Variants in TMEM132B observed in about 807,000 individuals in gnomAD.
TMEM132B encodes the protein transmembrane protein 132B.
Under a neutral mutation model 90.8 loss-of-function variants are expected in TMEM132B, and 18 were observed. That is an observed-to-expected ratio of 0.20 (90% CI 0.14 to 0.29). TMEM132B has a LOEUF of 0.29. Ranked by LOEUF, TMEM132B falls within the 10% of genes least tolerant of loss-of-function variation. TMEM132B has a pLI of 1.00. For missense variants in TMEM132B, 1,096 were observed against 1,326.8 expected (o/e 0.83, Z 2.70); for synonymous variants, 504 against 523.3 (o/e 0.96, Z 0.50).
At chr12:125,295,726 G>A (rs1875657876) in intron 1 of TMEM132B, among the ~76,000 whole-genome samples, 1 of 152,156 alleles carries the variant, frequency 6.6e-6, no homozygotes, top group African/African-American at 2.4e-5. Context: ...GCCAGGACTT[G>A]AGTCTGAGAC....
At chr12:125,393,705 A>G (rs1464238271) in intron 2 of TMEM132B, among the ~76,000 whole-genome samples, 5 of 152,142 alleles carry the variant, frequency 3.3e-5, no homozygotes, top group African/African-American at 1.2e-4. Context: ...CAGTCAAGGA[A>G]GCCAGCCAGG....
chr12:125,245,661 G>T (rs1349648583), intron 1 of TMEM132B, among the ~76,000 whole-genome samples: 1 of 152,160 alleles, frequency 6.6e-6, no homozygotes, highest in Non-Finnish European at 1.5e-5. Flanking sequence ...CAGCACCCCA[G>T]CCCCTTGCTC....
At chr12:125,453,076 AACACACACACACACACACACAC>A (rs60350192) in intron 3 of TMEM132B, among the ~76,000 whole-genome samples, 1 of 143,700 alleles carries the variant, frequency 7.0e-6, no homozygotes, top group Non-Finnish European at 1.5e-5. Context: ...ATTTCAGTAA[AACACACACACACACACACACAC>A]ACACACACAC....
chr12:125,338,362 C>T (rs1877045394), intron 1 of TMEM132B, among the ~76,000 whole-genome samples: 2 of 152,202 alleles, frequency 1.3e-5, no homozygotes, highest in South Asian at 4.1e-4. Flanking sequence ...GCTGCTCTGT[C>T]ACCATCCCTC....
chr12:125,353,786 G>T (rs920144733), intron 2 of TMEM132B, among the ~76,000 whole-genome samples: 1 of 152,136 alleles, frequency 6.6e-6, no homozygotes, highest in Non-Finnish European at 1.5e-5. Context: ...CAGAGCTAAG[G>T]GTTAATTTAG....
chr12:125,530,963 C>T (rs1208003358), intron 4 of TMEM132B, among the ~76,000 whole-genome samples: 4 of 152,252 alleles, frequency 2.6e-5, no homozygotes, highest in Non-Finnish European at 1.5e-5. Context: ...TGCCATTAAC[C>T]ACTTAGATCC....
chr12:125,451,898 G>C (rs762961955), intron 3 of TMEM132B, among the ~76,000 whole-genome samples: 1 of 152,232 alleles, frequency 6.6e-6, no homozygotes. Flanking sequence ...GGGACTGACT[G>C]TCCATGTCTG....
chr12:125,322,779 A>G (rs984856670), intron 1 of TMEM132B, among the ~76,000 whole-genome samples: 1 of 152,142 alleles, frequency 6.6e-6, no homozygotes, highest in African/African-American at 2.4e-5. Context: ...CCCCTCAGCA[A>G]TCCAGTTTTC....
At chr12:125,235,220 A>G (rs1873907547) in intron 1 of TMEM132B, among the ~76,000 whole-genome samples, 3 of 152,220 alleles carry the variant, frequency 2.0e-5, no homozygotes, top group Non-Finnish European at 1.5e-5. Flanking sequence ...CAGGCAGCAA[A>G]TAAAGACAGA....
At chr12:125,462,427 G>T (rs1881461556) in intron 3 of TMEM132B, among the ~76,000 whole-genome samples, 1 of 152,188 alleles carries the variant, frequency 6.6e-6, no homozygotes, top group African/African-American at 2.4e-5. Flanking sequence ...GAGTCTGGCA[G>T]TGAAGCTAGA....
chr12:125,568,643 C>T (rs975766623), intron 4 of TMEM132B, among the ~76,000 whole-genome samples: 10 of 152,194 alleles, frequency 6.6e-5, no homozygotes, highest in African/African-American at 1.9e-4. Flanking sequence ...TTTCTTCCCC[C>T]CTCTGGCTCT....
chr12:125,642,057 A>C (rs1886646092), intron 5 of TMEM132B, among the ~76,000 whole-genome samples: 1 of 152,192 alleles, frequency 6.6e-6, no homozygotes, highest in Non-Finnish European at 1.5e-5. Context: ...TGCATGCCAC[A>C]GGCAGAACAA....
chr12:125,211,643 G>A (rs1873321353), intron 1 of TMEM132B, among the ~76,000 whole-genome samples: 1 of 152,228 alleles, frequency 6.6e-6, no homozygotes, highest in Admixed American at 6.5e-5. Flanking sequence ...ATAGAAGGCA[G>A]CATGCACATT....
chr12:125,527,375 C>T (rs1392909624), intron 4 of TMEM132B, among the ~76,000 whole-genome samples: 1 of 117,622 alleles, frequency 8.5e-6, no homozygotes, highest in African/African-American at 3.3e-5. Context: ...CCACCCTCCA[C>T]TCTTCCATCC....
intron 1 of TMEM132B, among the ~76,000 whole-genome samples, chr12:125,207,145 A>G (rs1343736456): frequency 6.6e-6 from 1 of 152,238 alleles, no homozygotes; most frequent in East Asian, 1.9e-4. Context: ...TTGAGCCAAT[A>G]TTTAAGAGCT....
At chr12:125,518,344 G>T (rs1883220621) in intron 3 of TMEM132B, among the ~76,000 whole-genome samples, 1 of 152,180 alleles carries the variant, frequency 6.6e-6, no homozygotes, top group Non-Finnish European at 1.5e-5. Context: ...GAGTTTGGGA[G>T]CCCAGACTGC....
chr12:125,462,015 C>T (rs1447020150), intron 3 of TMEM132B, among the ~76,000 whole-genome samples: 2 of 152,254 alleles, frequency 1.3e-5, no homozygotes, highest in Non-Finnish European at 2.9e-5. Context: ...GAACCAGTCA[C>T]TGTGATTCAT....
intron 3 of TMEM132B, among the ~76,000 whole-genome samples, chr12:125,507,284 T>G (rs1165989144): frequency 6.6e-6 from 1 of 152,212 alleles, no homozygotes; most frequent in Non-Finnish European, 1.5e-5. Context: ...GTGCCTACTA[T>G]GGTACTTTCC....
In TMEM132B at chr12:125,589,481, CAAAAAAAAAAAAAA is replaced by C. The variant is rs71095204; in HGVS notation, c.1437+5499_1437+5512del. ...CGGGTGACAGAGCGAGACTCCGTCT[CAAAAAAAAAAAAAA>C]AAAAAAAAAAAGAAATACCTGAGAC... is the stretch of plus-strand genomic sequence containing the variant. On this transcript the variant is annotated intron_variant, in intron 5 of 8. Transcript: ENST00000682704. 1.4e-4 allele frequency among the ~76,000 whole-genome samples: 10 copies of C among 73,164 alleles called. 1 individual carries two copies. Among genetic ancestry groups the C allele is most frequent in the Non-Finnish European group, 1.2e-4 (5 of 40,916 alleles). 48.0% of individuals were successfully genotyped at this position (73,164 alleles called of 152,430 possible). A position where few individuals can be genotyped will look rare whatever the true frequency, so the allele number is the denominator to read the frequency against.
Sources: allele counts gnomAD v4.1 joint callset (sites outside exome capture counted in the v4.1 genomes callset), GRCh38; gene constraint gnomAD v4.1.1; transcripts MANE v1.5; gene names NCBI Gene and HGNC (gene_info 2026-07-23, HGNC 2026-07-21).